Variants in ZNF316 observed in about 807,000 individuals in gnomAD.
ZNF316 encodes zinc finger protein 316.
A neutral mutation model predicts 75.6 loss-of-function variants in ZNF316; 23 were observed. The observed-to-expected ratio is 0.30, with a 90% CI of 0.22 to 0.43. The LOEUF (loss-of-function observed/expected upper bound fraction) is 0.43, where lower values mean the gene tolerates loss of function less well. Among genes scored for constraint, ZNF316 ranks in the 20% least tolerant of loss-of-function variants. ZNF316 has a pLI of 1.00. For missense variants in ZNF316, 1,266 were observed against 1,409.4 expected (o/e 0.90, Z 1.63); for synonymous variants, 827 against 666.2 (o/e 1.24, Z -3.72).
chr7:6,643,624 T>C (rs1779349671), intron 6 of ZNF316, among the ~76,000 whole-genome samples, 198 bp from the exon 7 acceptor site: 1 of 152,158 alleles, frequency 6.6e-6, no homozygotes, highest in Non-Finnish European at 1.5e-5. Flanking sequence ...GTTCACCGTC[T>C]TTGAGCTTGA....
At position 6,658,181 on chromosome 7, in the gene ZNF316, C is replaced by A. The variant is rs1379818671; in HGVS notation, c.*3570C>A. Among the ~76,000 whole-genome samples, 1 of 152,154 alleles carries A rather than the reference C, an allele frequency of 6.6e-6. No individual in the cohort carries two copies. Among genetic ancestry groups the A allele is most frequent in the African/African-American group, 2.4e-5 (1 of 41,440 alleles). ...TTTCACTTAATCTCGTCCAACATTTCCTTCTATCTCCCTTTTTTCTTTCTC... is the reference window on the plus strand; with the variant it reads ...TTTCACTTAATCTCGTCCAACATTTACTTCTATCTCCCTTTTTTCTTTCTC... On this transcript the variant is annotated 3_prime_UTR_variant, in exon 9 of 9. Transcript: ENST00000382252.
At chr7:6,651,803 C>T (rs550286429) in intron 8 of ZNF316, among the ~76,000 whole-genome samples, 55 of 152,224 alleles carry the variant, frequency 3.6e-4, no homozygotes, top group Non-Finnish European at 7.3e-4. Flanking sequence ...AAAGGCAGGT[C>T]TTCTGTGGAC....
In ZNF316 at chr7:6,653,821, C is replaced by T; in HGVS notation, c.2225C>T (p.Thr742Ile). The T allele has an allele frequency of 9.3e-7, 1 of 1,079,586 alleles. No homozygotes were observed. The highest frequency in any genetic ancestry group is 1.1e-6 in the Non-Finnish European group (1 of 888,248). 66.9% of individuals were successfully genotyped at this position (1,079,586 alleles called of 1,614,324 possible). Residue 742 changes from threonine to isoleucine, a missense_variant, in exon 9 of 9, where the codon ACC (threonine) becomes ATC (isoleucine). This residue lies in a region of ZNF316 where 194 missense variants were observed against 319.2 expected (regional missense o/e 0.61). Coordinates refer to ENST00000382252, the MANE Select transcript of ZNF316 (RefSeq NM_001278559.2). ...SHLARHRRTH[T>I]GERPFPCPEC... ...CTGGCGCGCCACCGGCGCACACACA[C>T]CGGCGAGCGGCCCTTCCCGTGCCCC...
chr7:6,644,779 A>T (rs991495421), intron 8 of ZNF316, among the ~76,000 whole-genome samples, 186 bp downstream of exon 8: 9 of 152,140 alleles, frequency 5.9e-5, no homozygotes, highest in East Asian at 1.9e-4. Context: ...TCCTTAGAGA[A>T]CCTAGAGGCT....
rs1283287796 is a variant in ZNF316, at chr7:6,657,446, T to A, written c.*2835T>A. On this transcript the variant is annotated 3_prime_UTR_variant, in exon 9 of 9. Coordinates refer to ENST00000382252, the MANE Select transcript of ZNF316 (RefSeq NM_001278559.2). ...GCCAACCTGGGCAACGTATCAAGAC[T>A]CCATGTCTGAAACAGACGTTTGAGT... 1.3e-5 allele frequency among the ~76,000 whole-genome samples: 2 copies of A among 149,244 alleles called. No individual in the cohort carries two copies. The highest frequency in any genetic ancestry group is 3.0e-5 in the Non-Finnish European group (2 of 67,434).
intron 8 of ZNF316, among the ~76,000 whole-genome samples, chr7:6,647,229 C>T (rs988061638): frequency 6.6e-6 from 1 of 152,114 alleles, no homozygotes; most frequent in African/African-American, 2.4e-5. Context: ...GAGGGGCAGG[C>T]CCAGTGCCTG....
rs1404893971 is a variant in ZNF316 at position 6,656,125 on chromosome 7, G to GTGGTGGCGGTCAGTTAGCC, written c.*1518_*1536dup. The GTGGTGGCGGTCAGTTAGCC allele has an allele frequency of 2.0e-5, 3 of 152,598 alleles. No homozygotes were observed. Among genetic ancestry groups the GTGGTGGCGGTCAGTTAGCC allele is most frequent in the Non-Finnish European group, 2.9e-5 (2 of 68,370 alleles). 9.5% of individuals were successfully genotyped at this position (152,598 alleles called of 1,614,324 possible). ...GTTGGTGGGTGGGAAGAGGGCCTGG[G>GTGGTGGCGGTCAGTTAGCC]TGGTGGCGGTCAGTTAGCCTGGCTG... is the stretch of plus-strand genomic sequence containing the variant. On this transcript the variant is annotated 3_prime_UTR_variant, in exon 9 of 9. Transcript: ENST00000382252.
chr7:6,649,295 T>C, intron 8 of ZNF316, among the ~76,000 whole-genome samples: 1 of 152,150 alleles, frequency 6.6e-6, no homozygotes, highest in East Asian at 1.9e-4. Context: ...TCCCAGGGTC[T>C]CCTCTCCTCT....
chr7:6,656,006 G>C lies in ZNF316; in HGVS notation c.*1395G>C, dbSNP rs966542072. On this transcript the variant is annotated 3_prime_UTR_variant, in exon 9 of 9. Coordinates refer to ENST00000382252, the MANE Select transcript of ZNF316 (RefSeq NM_001278559.2). Reference sequence around the variant, plus strand: ...TTTGGTGCAGCTGCATTCCCTAATAGACCTAGTTCCCTCCACGTTAGTGTA... The same window carrying C: ...TTTGGTGCAGCTGCATTCCCTAATACACCTAGTTCCCTCCACGTTAGTGTA... The C allele has an allele frequency of 2.0e-5, 3 of 152,272 alleles. No homozygotes were observed. The highest frequency in any genetic ancestry group is 4.4e-5 in the Non-Finnish European group (3 of 68,082). The allele number at this position is 152,272 out of a possible 1,614,324, so 9.4% of individuals were successfully genotyped here.
Position 6,653,122 on chromosome 7 carries a change from G to T in ZNF316, c.1526G>T (p.Cys509Phe). The T allele has an allele frequency of 8.6e-7, 1 of 1,165,726 alleles. No homozygotes were observed. Among genetic ancestry groups the T allele is most frequent in the Non-Finnish European group, 1.1e-6 (1 of 946,296 alleles). 72.2% of individuals were successfully genotyped at this position (1,165,726 alleles called of 1,614,324 possible). ...CAGCGCCACCGACGCGGCGGGGGCTGCGCGGAGGCGGGTGGTGACGGCCCC... is the reference window on the plus strand; with the variant it reads ...CAGCGCCACCGACGCGGCGGGGGCTTCGCGGAGGCGGGTGGTGACGGCCCC... Reference protein sequence around the residue: ...DFQRHRRGGGCAEAGGDGPRR... With the variant: ...DFQRHRRGGGFAEAGGDGPRR... Residue 509 changes from cysteine (C) to phenylalanine (F), a missense_variant, in exon 9 of 9, where the codon TGC (cysteine) becomes TTC (phenylalanine). Physicochemically the swap from Cys to Phe is radical, Grantham distance 205. Transcript: ENST00000382252.
At chr7:6,651,263 A>G (rs1779502405) in intron 8 of ZNF316, among the ~76,000 whole-genome samples, 1 of 152,170 alleles carries the variant, frequency 6.6e-6, no homozygotes, top group Non-Finnish European at 1.5e-5. Context: ...AGGCAGGAGA[A>G]TTGCTCAACC....
At position 6,653,887 on chromosome 7, in the gene ZNF316, C is replaced by T; in HGVS notation, c.2291C>T (p.Ala764Val). The change falls in exon 9 of 9, where the codon GCG becomes GTG. Residue 764 changes from alanine (A) to valine (V), a missense_variant. Physicochemically the swap from Ala to Val is moderately conservative, Grantham distance 64 (BLOSUM62 0). Transcript: ENST00000382252. ...TTCGCCCGCGGCTCGCACTTGGCGGCGCACGTGCGCGGCCACACGGGCGAG... is the reference window on the plus strand; with the variant it reads ...TTCGCCCGCGGCTCGCACTTGGCGGTGCACGTGCGCGGCCACACGGGCGAG... The part of the protein sequence containing the change: ...ARFARGSHLA[A>V]HVRGHTGEKP... The T allele has an allele frequency of 9.1e-7, 1 of 1,104,144 alleles. No individual in the cohort carries two copies. The highest frequency in any genetic ancestry group is 4.3e-5 in the South Asian group (1 of 23,200). 68.4% of individuals were successfully genotyped at this position (1,104,144 alleles called of 1,614,324 possible).
At chr7:6,650,760 T>TG (rs1779493500) in intron 8 of ZNF316, among the ~76,000 whole-genome samples, 2 of 152,242 alleles carry the variant, frequency 1.3e-5, no homozygotes, top group South Asian at 4.1e-4. Flanking sequence ...ACCTTCCAGA[T>TG]GCTGAGACTG....
At position 6,653,530 on chromosome 7, in the gene ZNF316, G is replaced by A. The variant is rs932158798; in HGVS notation, c.1934G>A (p.Gly645Asp). Residue 645 changes from glycine to aspartate, a missense_variant, in exon 9 of 9, where the codon GGT becomes GAT. Gly to Asp is a moderately conservative substitution (Grantham distance 94). This residue lies in a region of ZNF316 where 961 missense variants were observed against 990.9 expected (regional missense o/e 0.97). Coordinates refer to ENST00000382252, the MANE Select transcript of ZNF316 (RefSeq NM_001278559.2). ...PLGGPLSLVE[G>D]TGLACDPFGG... ...GGGGGCCCGCTCTCCCTGGTGGAGG[G>A]TACCGGGCTGGCGTGCGACCCTTTC... The A allele has an allele frequency of 1.3e-5, 16 of 1,216,076 alleles. No homozygotes were observed. Among genetic ancestry groups the A allele is most frequent in the East Asian group, 3.3e-5 (1 of 30,676 alleles). The allele number at this position is 1,216,076 out of a possible 1,614,324, so 75.3% of individuals were successfully genotyped here.
intron 8 of ZNF316, among the ~76,000 whole-genome samples, chr7:6,648,539 C>T (rs1234294221): frequency 3.3e-5 from 5 of 152,168 alleles, no homozygotes; most frequent in Admixed American, 2.0e-4. Context: ...CAGGTGTTTA[C>T]GGATGTGCAT....
chr7:6,644,543 C>T lies in ZNF316; in HGVS notation c.656C>T (p.Pro219Leu), dbSNP rs1286183348. 6.5e-6 allele frequency: 8 copies of T among 1,232,246 alleles called. No individual in the cohort carries two copies. In the African/African-American group the frequency reaches 1.2e-4, roughly 19 times the overall value. 76.3% of individuals were successfully genotyped at this position (1,232,246 alleles called of 1,614,324 possible). The change falls in exon 8 of 9, where the codon CCA (proline) becomes CTA (leucine). Residue 219 changes from proline to leucine, a missense_variant. Coordinates refer to ENST00000382252, the MANE Select transcript of ZNF316 (RefSeq NM_001278559.2). Reference protein sequence around the residue: ...RLEQGEEPWVPDSPRPEEGDI... With the variant: ...RLEQGEEPWVLDSPRPEEGDI... ...GAACAAGGGGAAGAACCTTGGGTCC[C>T]AGATAGTCCCCGACCTGAGGAAGGA... is the stretch of plus-strand genomic sequence containing the variant.
rs1402559345 is a variant in ZNF316, at chr7:6,647,381, C to G, written c.706+2788C>G. On this transcript the variant is annotated intron_variant, in intron 8 of 8. Transcript: ENST00000382252. ...TGGGGCCAGTGCCACCCTCATCCCC[C>G]TGACAGTTTGCAGAAGAGAGTGCTG... Among the ~76,000 whole-genome samples, 5 of 152,392 alleles carry G rather than the reference C, an allele frequency of 3.3e-5. No individual in the cohort carries two copies. The East Asian group carries it at 9.6e-4, about 29-fold the overall frequency.
rs997431943 is a variant in ZNF316, at chr7:6,655,971, G to A, written c.*1360G>A. The stretch of plus-strand genomic sequence containing the variant: ...TTGGGGCCACTGTGAATGGGGCCAG[G>A]AAACGGATTTTTGGTGCAGCTGCAT... On this transcript the variant is annotated 3_prime_UTR_variant, in exon 9 of 9. Transcript: ENST00000382252. 1 of 152,320 alleles carries A rather than the reference G, an allele frequency of 6.6e-6. No individual in the cohort carries two copies. Among genetic ancestry groups the A allele is most frequent in the African/African-American group, 2.4e-5 (1 of 41,460 alleles). The allele number at this position is 152,320 out of a possible 1,614,324, so 9.4% of individuals were successfully genotyped here.
Position 6,652,929 on chromosome 7 carries a change from G to A in ZNF316, c.1333G>A (p.Val445Ile), listed in dbSNP as rs1321772004. The A allele has an allele frequency of 6.4e-6, 8 of 1,243,984 alleles. No individual in the cohort carries two copies. The highest frequency in any genetic ancestry group is 8.1e-6 in the Non-Finnish European group (8 of 993,650). 77.1% of individuals were successfully genotyped at this position (1,243,984 alleles called of 1,614,324 possible). A position where few individuals can be genotyped will look rare whatever the true frequency, so the allele number is the denominator to read the frequency against. The change falls in exon 9 of 9, where the codon GTC (valine) becomes ATC (isoleucine). Residue 445 changes from valine (V) to isoleucine (I), a missense_variant. Val to Ile is a conservative substitution (Grantham distance 29). This residue lies in a region of ZNF316 where 961 missense variants were observed against 990.9 expected (regional missense o/e 0.97). Transcript: ENST00000382252. ...GGGCTTCGGGCGCCGCTCCTACCTG[G>A]TCACGCACCAGCGCACGCACACCGG... ...GAGFGRRSYLVTHQRTHTGER... is the reference protein window; with the variant it reads ...GAGFGRRSYLITHQRTHTGER...
Sources: allele counts gnomAD v4.1 joint callset (sites outside exome capture counted in the v4.1 genomes callset), GRCh38; gene constraint gnomAD v4.1.1; regional missense constraint gnomAD v4.1.1; transcripts MANE v1.5; gene names NCBI Gene and HGNC (gene_info 2026-07-23, HGNC 2026-07-21).